The following RFTN1 variants were observed in gnomAD, a reference collection of about 807,000 sequenced individuals.
RFTN1 encodes the protein raftlin.
In RFTN1, 26 loss-of-function variants were observed where a neutral mutation model predicts 46.5. The observed-to-expected ratio is 0.56, with a 90% CI of 0.41 to 0.78. RFTN1 has a LOEUF of 0.78. Ranked by LOEUF, RFTN1 falls within the 30% of genes least tolerant of loss-of-function variation. The pLI is 0.00. For synonymous variants in RFTN1, 261 were observed against 284.2 expected (o/e 0.92, Z 0.82); for missense variants, 693 against 718.7 (o/e 0.96, Z 0.41).
Position 16,493,776 on chromosome 3 carries a change from T to C in RFTN1, c.94A>G (p.Ile32Val). ...AAGCGGTATTCATAGGACACATCTA[T>C]CTTGGTTTCCACCTGAGGCCTCTTC... ...TLKRPQVETK[I>V]DVSYEYRFLE... is the part of the protein sequence containing the mutation. The change falls in exon 2 of 10, where the codon ATA (isoleucine) becomes GTA (valine). Residue 32 changes from isoleucine (I) to valine (V), a missense_variant. Coordinates refer to ENST00000334133, the MANE Select transcript of RFTN1 (RefSeq NM_015150.2). 6.2e-7 allele frequency: 1 copy of C among 1,613,834 alleles called. No individual in the cohort carries two copies. The highest frequency in any genetic ancestry group is 2.2e-5 in the East Asian group (1 of 44,864).
At position 16,433,775 on chromosome 3, in the gene RFTN1, C is replaced by G. The variant is rs1448014442; in HGVS notation, c.332+76G>C. 3 of 1,484,732 alleles carry G rather than the reference C, an allele frequency of 2.0e-6. No homozygotes were observed. The highest frequency in any genetic ancestry group is 2.3e-5 in the East Asian group (1 of 44,258). The allele number at this position is 1,484,732 out of a possible 1,614,324, so 92.0% of individuals were successfully genotyped here. ...TGCAAATTTCAACCCCCAACCCCATCCTCTCACTTCCCCTCCTCTATTGAG... is the reference window on the plus strand; with the variant it reads ...TGCAAATTTCAACCCCCAACCCCATGCTCTCACTTCCCCTCCTCTATTGAG... On this transcript the variant is annotated intron_variant, in intron 3 of 9. Coordinates refer to ENST00000334133, the MANE Select transcript of RFTN1 (RefSeq NM_015150.2). This position sits in a 1 kb window ranked among gnomAD's most constrained non-coding sequence, Gnocchi z 4.4.
chr3:16,479,716 C>A lies in RFTN1; in HGVS notation c.145+14009G>T, dbSNP rs148762508. ...CATCAGCAGCCCTGATGAGTCCACT[C>A]ACCCCCAGGAAGCTCGTTTGATTGA... On this transcript the variant is annotated intron_variant, in intron 2 of 9. Transcript: ENST00000334133. This position sits in a 1 kb window ranked among gnomAD's most constrained non-coding sequence, Gnocchi z 5.1. 1.4e-4 allele frequency among the ~76,000 whole-genome samples: 22 copies of A among 152,324 alleles called. No homozygotes were observed. The highest frequency in any genetic ancestry group is 3.4e-3 in the Middle Eastern group (1 of 294).
In RFTN1 at chr3:16,324,616, C is replaced by A. The variant is rs903809741; in HGVS notation, c.1251-1159G>T. Among the ~76,000 whole-genome samples, 6 of 144,880 alleles carry A rather than the reference C, an allele frequency of 4.1e-5. 1 individual carries two copies. Among genetic ancestry groups the A allele is most frequent in the Admixed American group, 2.1e-4 (3 of 14,500 alleles). On this transcript the variant is annotated intron_variant, in intron 8 of 9. Coordinates refer to ENST00000334133, the MANE Select transcript of RFTN1 (RefSeq NM_015150.2). ...AATAAATAACAGAATGTCCCTGACC[C>A]CCCCCCTTTTAAGGTTGCATAGTAT...
rs1210267242 is a variant in RFTN1, at chr3:16,378,072, A to T, written c.472T>A (p.Phe158Ile). 4 of 1,611,476 alleles carry T rather than the reference A, an allele frequency of 2.5e-6. No homozygotes were observed. In the South Asian group the frequency reaches 3.3e-5, roughly 13 times the overall value. Residue 158 changes from phenylalanine to isoleucine, a missense_variant, in exon 5 of 10, where the codon TTC becomes ATC. Coordinates refer to ENST00000334133, the MANE Select transcript of RFTN1 (RefSeq NM_015150.2). Reference sequence around the variant, plus strand: ...TGGTACTGAGGTATAACACCAACGAATTTCAGGCCCTGGCTTGCAGCCTCC... The same window carrying T: ...TGGTACTGAGGTATAACACCAACGATTTTCAGGCCCTGGCTTGCAGCCTCC... Reference protein sequence around the residue: ...IQEAASQGLKFVGVIPQYHSS... With the variant: ...IQEAASQGLKIVGVIPQYHSS...
intron 3 of RFTN1, among the ~76,000 whole-genome samples, chr3:16,430,638 A>G (rs1053842351): frequency 3.3e-5 from 5 of 152,218 alleles, no homozygotes; most frequent in Admixed American, 3.3e-4. Context: ...ATGATAAATT[A>G]TCAAACTTTT....
At chr3:16,378,603 A>G (rs2073873839) in intron 4 of RFTN1, among the ~76,000 whole-genome samples, 1 of 152,238 alleles carries the variant, frequency 6.6e-6, no homozygotes, top group African/African-American at 2.4e-5. Flanking sequence ...TTTTTGGACA[A>G]TAGTTTTGGC....
rs930059962 is a variant in RFTN1 at position 16,459,418 on chromosome 3, C to T, written c.146-25381G>A. Among the ~76,000 whole-genome samples the T allele has an allele frequency of 1.3e-5, 2 of 151,962 alleles. No homozygotes were observed. Among genetic ancestry groups the T allele is most frequent in the Non-Finnish European group, 2.9e-5 (2 of 67,990 alleles). On this transcript the variant is annotated intron_variant, in intron 2 of 9. Coordinates refer to ENST00000334133, the MANE Select transcript of RFTN1 (RefSeq NM_015150.2). The surrounding 1 kb of genome is among the most constrained non-coding windows in gnomAD (Gnocchi z 4.2). ...ATCCTAGCACTTTGGGAGGCTGAAG[C>T]GGGAGTCTCTACTTTAAAAATTTAA...
rs1178744800 is a variant in RFTN1 at position 16,433,746 on chromosome 3, A to G, written c.332+105T>C. 6.0e-6 allele frequency: 6 copies of G among 995,110 alleles called. No individual in the cohort carries two copies. Among genetic ancestry groups the G allele is most frequent in the Non-Finnish European group, 9.5e-6 (6 of 630,898 alleles). 61.6% of individuals were successfully genotyped at this position (995,110 alleles called of 1,614,324 possible). On this transcript the variant is annotated intron_variant, in intron 3 of 9. Coordinates refer to ENST00000334133, the MANE Select transcript of RFTN1 (RefSeq NM_015150.2). This position sits in a 1 kb window ranked among gnomAD's most constrained non-coding sequence, Gnocchi z 4.4. The stretch of plus-strand genomic sequence containing the variant: ...GTCTGAGGGCTGAGGCCCTGAGGAC[A>G]GCATGCAAATTTCAACCCCCAACCC...
In RFTN1 at chr3:16,460,756, C is replaced by T. The variant is rs1177977422; in HGVS notation, c.146-26719G>A. Among the ~76,000 whole-genome samples the T allele has an allele frequency of 6.6e-6, 1 of 152,132 alleles. No homozygotes were observed. Among genetic ancestry groups the T allele is most frequent in the East Asian group, 1.9e-4 (1 of 5,204 alleles). On this transcript the variant is annotated intron_variant, in intron 2 of 9. Coordinates refer to ENST00000334133, the MANE Select transcript of RFTN1 (RefSeq NM_015150.2). The surrounding 1 kb of genome is among the most constrained non-coding windows in gnomAD (Gnocchi z 4.8). ...CATGCCAAAATTCAGGATTTAAGGT[C>T]TAAAACCATAGAGAATATTTTAGAG...
Position 16,493,886 on chromosome 3 carries a change from C to T in RFTN1, c.-8-9G>A, listed in dbSNP as rs755857263. 6.2e-7 allele frequency: 1 copy of T among 1,613,526 alleles called. No individual in the cohort carries two copies. Among genetic ancestry groups the T allele is most frequent in the Non-Finnish European group, 8.5e-7 (1 of 1,179,786 alleles). ...GCAACCCATTTCAGCAGCTGCTGGC[C>T]AAAGGAAAAAGGCGGGGAGGTGATT... On this transcript the variant is annotated splice_polypyrimidine_tract_variant and intron_variant, in intron 1 of 9. Transcript: ENST00000334133.
rs2069089060 is a variant in RFTN1 at position 16,321,799 on chromosome 3, T to C, written c.1332+1577A>G. On this transcript the variant is annotated intron_variant, in intron 9 of 9. Coordinates refer to ENST00000334133, the MANE Select transcript of RFTN1 (RefSeq NM_015150.2). The surrounding 1 kb of genome is among the most constrained non-coding windows in gnomAD (Gnocchi z 4.8). ...CAGTGGGTCCCATCCTCTCTGAATT[T>C]TCCCTGAGGAGAGTCAGTTCAACCT... Among the ~76,000 whole-genome samples the C allele has an allele frequency of 6.6e-6, 1 of 152,198 alleles. No individual in the cohort carries two copies. The highest frequency in any genetic ancestry group is 6.5e-5 in the Admixed American group (1 of 15,278).
intron 5 of RFTN1, among the ~76,000 whole-genome samples, chr3:16,375,868 T>C (rs2073748561): frequency 2.0e-5 from 3 of 152,140 alleles, no homozygotes; most frequent in Admixed American, 2.0e-4. Flanking sequence ...GGTGATGGGA[T>C]AGGGGCCAAG....
rs1048689694 is a variant in RFTN1, at chr3:16,440,448, A to C, written c.146-6411T>G. On this transcript the variant is annotated intron_variant, in intron 2 of 9. Coordinates refer to ENST00000334133, the MANE Select transcript of RFTN1 (RefSeq NM_015150.2). This position sits in a 1 kb window ranked among gnomAD's most constrained non-coding sequence, Gnocchi z 4.6. ...TTGAACTCCTGCCCATCTTCATCCCATACCAGGGCTTTGTCCTGCTGCAGT... is the reference window on the plus strand; with the variant it reads ...TTGAACTCCTGCCCATCTTCATCCCCTACCAGGGCTTTGTCCTGCTGCAGT... 6.6e-6 allele frequency among the ~76,000 whole-genome samples: 1 copy of C among 152,090 alleles called. No individual in the cohort carries two copies. Among genetic ancestry groups the C allele is most frequent in the African/African-American group, 2.4e-5 (1 of 41,400 alleles).
intron 3 of RFTN1, among the ~76,000 whole-genome samples, chr3:16,423,822 A>C (rs1342192525): frequency 6.6e-6 from 1 of 152,246 alleles, no homozygotes; most frequent in Non-Finnish European, 1.5e-5. Flanking sequence ...CCCCACGAAC[A>C]GGAATCGTGT....
At chr3:16,375,073 TTTAA>T (rs1170238849) in intron 5 of RFTN1, among the ~76,000 whole-genome samples, 5 of 152,152 alleles carry the variant, frequency 3.3e-5, no homozygotes, top group Non-Finnish European at 5.9e-5. Flanking sequence ...CTGGATTTTT[TTTAA>T]TTGTCTTGCT....
At position 16,358,053 on chromosome 3, in the gene RFTN1, GA is replaced by G; in HGVS notation, c.1031-7del. On this transcript the variant is annotated splice_region_variant and splice_polypyrimidine_tract_variant and intron_variant, in intron 6 of 9. Transcript: ENST00000334133. The stretch of plus-strand genomic sequence containing the variant: ...TGTCAAGCCATGTAAGGAATCTGTG[GA>G]AAAAGAAAAAGGCGGGGGTGGGGGG... The G allele has an allele frequency of 6.4e-6, 3 of 467,816 alleles. No homozygotes were observed. The highest frequency in any genetic ancestry group is 1.0e-5 in the Non-Finnish European group (3 of 294,978). The allele number at this position is 467,816 out of a possible 1,614,324, so 29.0% of individuals were successfully genotyped here.
intron 3 of RFTN1, among the ~76,000 whole-genome samples, chr3:16,420,854 G>C (rs1001725627): frequency 2.0e-5 from 3 of 152,178 alleles, no homozygotes; most frequent in African/African-American, 7.2e-5. Flanking sequence ...CTGGAACCTC[G>C]TTAAAGTACA....
In RFTN1 at chr3:16,335,248, G is replaced by A. The variant is rs371439097; in HGVS notation, c.1147-8372C>T. Among the ~76,000 whole-genome samples, 10 of 152,308 alleles carry A rather than the reference G, an allele frequency of 6.6e-5. 1 individual carries two copies. The highest frequency in any genetic ancestry group is 1.9e-4 in the East Asian group (1 of 5,170). On this transcript the variant is annotated intron_variant, in intron 7 of 9. Transcript: ENST00000334133. The surrounding 1 kb of genome is among the most constrained non-coding windows in gnomAD (Gnocchi z 4.7). Reference sequence around the variant, plus strand: ...AGGTGCTGACAGATGCAGGGTAGGTGAAAACTCCTGGAGGGATGAGGCTGG... The same window carrying A: ...AGGTGCTGACAGATGCAGGGTAGGTAAAAACTCCTGGAGGGATGAGGCTGG...
At chr3:16,409,805 C>T (rs2074945358) in intron 3 of RFTN1, among the ~76,000 whole-genome samples, 2 of 151,992 alleles carry the variant, frequency 1.3e-5, no homozygotes. Context: ...CTGCCTCAGC[C>T]TCCCCAGTAG....
Sources: gnomAD v4.1 joint callset for allele counts (sites outside exome capture counted in the v4.1 genomes callset) on GRCh38, gnomAD v4.1.1 for gene constraint, Gnocchi (gnomAD v3.1) non-coding constraint, MANE v1.5 for transcripts, NCBI Gene and HGNC (gene_info 2026-07-23, HGNC 2026-07-21) for gene names.